PCNX1: variants seen among roughly 807,000 people sequenced by gnomAD.
PCNX1 encodes pecanex-like protein 1.
Under a neutral mutation model 242.2 loss-of-function variants are expected in PCNX1, and 78 were observed. The ratio of observed to expected loss-of-function variants is 0.32; its 90% CI spans 0.27 to 0.39. The LOEUF is 0.39. Among genes scored for constraint, PCNX1 ranks in the 10% least tolerant of loss-of-function variants. The pLI is 1.00. For synonymous variants in PCNX1, 1,024 were observed against 1,032.9 expected (o/e 0.99, Z 0.17); for missense variants, 2,581 against 2,856.5 (o/e 0.90, Z 2.20).
At position 71,045,186 on chromosome 14, in the gene PCNX1, C is replaced by A; in HGVS notation, c.3921C>A (p.Thr1307=). The A allele has an allele frequency of 6.2e-7, 1 of 1,612,874 alleles. No individual in the cohort carries two copies. The highest frequency in any genetic ancestry group is 8.5e-7 in the Non-Finnish European group (1 of 1,179,124). Residue 1307 remains threonine, a synonymous_variant, in exon 20 of 36, where the codon ACC becomes ACA. Transcript: ENST00000304743. ...TGGTTGGCTTTGTGGGTTTTGTAAC[C>A]CATTATGTGCTGCCTCAAGTTAGAA... ...YTLVGFVGFV[T]HYVLPQVRKQ...
At chr14:71,039,260 C>G (rs1287984680) in intron 19 of PCNX1, among the ~76,000 whole-genome samples, 2 of 151,888 alleles carry the variant, frequency 1.3e-5, no homozygotes, top group Non-Finnish European at 2.9e-5. Context: ...AAACCAAATA[C>G]TTATTTTCTC....
chr14:71,035,007 A>G (rs2060489473), intron 18 of PCNX1, among the ~76,000 whole-genome samples: 1 of 152,222 alleles, frequency 6.6e-6, no homozygotes, highest in South Asian at 2.1e-4. Context: ...TTCACATGTC[A>G]AAAGACCAAT....
At position 71,103,659 on chromosome 14, in the gene PCNX1, A is replaced by G. The variant is rs1360763246; in HGVS notation, c.6085A>G (p.Thr2029Ala). ...AAATATCAGGAACTTCATAGTGTCA[A>G]CCTGGCACAGGTGAGCCAAGGGATT... ...LGNIRNFIVSTWHRLRKGCGA... is the reference protein window; with the variant it reads ...LGNIRNFIVSAWHRLRKGCGA... Residue 2029 changes from threonine to alanine, a missense_variant, in exon 32 of 36, where the codon ACC becomes GCC. This residue lies in a region of PCNX1 where 432 missense variants were observed against 433.6 expected (regional missense o/e 1.00). Coordinates refer to ENST00000304743, the MANE Select transcript of PCNX1 (RefSeq NM_014982.3). 6 of 1,614,052 alleles carry G rather than the reference A, an allele frequency of 3.7e-6. No individual in the cohort carries two copies. In the South Asian group the frequency reaches 4.4e-5, roughly 12 times the overall value.
chr14:70,908,042 C>T (rs754235062), intron 1 of PCNX1, 39 bp downstream of exon 1: 2 of 1,503,382 alleles, frequency 1.3e-6, no homozygotes, highest in Non-Finnish European at 1.8e-6. Flanking sequence ...TCCTTCCCCG[C>T]GAGCCGGTGG....
intron 1 of PCNX1, among the ~76,000 whole-genome samples, chr14:70,921,117 C>G (rs757773334): frequency 3.3e-5 from 5 of 152,124 alleles, no homozygotes; most frequent in Non-Finnish European, 5.9e-5. Context: ...TTATAACATT[C>G]TTGGTATGTA....
At chr14:71,029,572 C>T (rs1345606279) in intron 16 of PCNX1, among the ~76,000 whole-genome samples, 3 of 152,136 alleles carry the variant, frequency 2.0e-5, no homozygotes, top group African/African-American at 4.8e-5. Flanking sequence ...GACAGTGTAA[C>T]GAAGGTTATG....
At chr14:71,088,503 A>T (rs922868881) in intron 29 of PCNX1, 73 bp downstream of exon 29, 1 of 834,920 alleles carries the variant, frequency 1.2e-6, no homozygotes, top group South Asian at 1.4e-5. Context: ...ATGATTTTTC[A>T]TGGACGCATG....
At chr14:70,922,799 A>G (rs888164673) in intron 1 of PCNX1, among the ~76,000 whole-genome samples, 1 of 151,028 alleles carries the variant, frequency 6.6e-6, no homozygotes, top group African/African-American at 2.4e-5. Context: ...ATGCTGGGCA[A>G]TATATTAGTG....
chr14:70,950,151 A>G (rs1352126943), intron 2 of PCNX1, among the ~76,000 whole-genome samples: 3 of 152,192 alleles, frequency 2.0e-5, no homozygotes, highest in Non-Finnish European at 1.5e-5. Flanking sequence ...TGTTAATTAA[A>G]CACGTATTTT....
At chr14:70,962,162 C>A in intron 2 of PCNX1, 64 bp from the exon 3 acceptor site, 2 of 987,602 alleles carry the variant, frequency 2.0e-6, no homozygotes, top group Non-Finnish European at 3.2e-6. Context: ...AAAAAATTAA[C>A]AAAGGAAAAG....
At chr14:70,947,173 T>C (rs1372327832) in intron 2 of PCNX1, 50 bp downstream of exon 2, 1 of 1,310,260 alleles carries the variant, frequency 7.6e-7, no homozygotes. Flanking sequence ...GATTGTGTTA[T>C]CTGTATAATG....
At chr14:70,995,064 A>AT (rs1350837814) in intron 7 of PCNX1, among the ~76,000 whole-genome samples, 1 of 152,208 alleles carries the variant, frequency 6.6e-6, no homozygotes, top group African/African-American at 2.4e-5. Flanking sequence ...TAATACTTGT[A>AT]TATAAAGCAC....
intron 16 of PCNX1, among the ~76,000 whole-genome samples, chr14:71,031,195 A>G (rs1460442076): frequency 6.6e-6 from 1 of 152,340 alleles, no homozygotes; most frequent in African/African-American, 2.4e-5. Context: ...CAAATGTGCA[A>G]ATATGCAAAT....
chr14:71,029,766 G>C (rs1267129226), intron 16 of PCNX1, among the ~76,000 whole-genome samples: 1 of 152,186 alleles, frequency 6.6e-6, no homozygotes, highest in East Asian at 1.9e-4. Context: ...AATGGCAAAT[G>C]ATTAGGAATT....
At chr14:70,998,379 G>A (rs905283015) in intron 8 of PCNX1, among the ~76,000 whole-genome samples, 1 of 152,008 alleles carries the variant, frequency 6.6e-6, no homozygotes, top group African/African-American at 2.4e-5. Context: ...AAAAGTACTT[G>A]TATCATCTGT....
intron 28 of PCNX1, among the ~76,000 whole-genome samples, chr14:71,086,238 T>A (rs2061986062): frequency 6.6e-6 from 1 of 152,244 alleles, no homozygotes; most frequent in African/African-American, 2.4e-5. Context: ...GCTTATGGAA[T>A]ATAGTTAAAA....
In PCNX1 at chr14:70,969,006, C is replaced by T. The variant is rs2058462898; in HGVS notation, c.515-15C>T. ...GTTAATATAAGGTCCTCACATGTTT[C>T]TCTTAACTTTGTAGGAGATACAGAC... On this transcript the variant is annotated splice_polypyrimidine_tract_variant and intron_variant, in intron 4 of 35. Coordinates refer to ENST00000304743, the MANE Select transcript of PCNX1 (RefSeq NM_014982.3). 3 of 1,513,210 alleles carry T rather than the reference C, an allele frequency of 2.0e-6. No individual in the cohort carries two copies. The highest frequency in any genetic ancestry group is 2.3e-5 in the East Asian group (1 of 44,242). The allele number at this position is 1,513,210 out of a possible 1,614,324, so 93.7% of individuals were successfully genotyped here.
At chr14:70,992,777 G>T (rs573162747) in intron 7 of PCNX1, among the ~76,000 whole-genome samples, 10 of 152,114 alleles carry the variant, frequency 6.6e-5, no homozygotes, top group African/African-American at 2.2e-4. Flanking sequence ...ACATAGAAGC[G>T]TAAAAAAAGA....
intron 22 of PCNX1, chr14:71,048,905 T>C (rs1472392536): frequency 3.5e-6 from 1 of 282,666 alleles, no homozygotes; most frequent in Non-Finnish European, 5.3e-6. Context: ...AATTTCAGTA[T>C]TGTGATAAAT....
Sources: gnomAD v4.1 joint callset for allele counts (sites outside exome capture counted in the v4.1 genomes callset) on GRCh38, gnomAD v4.1.1 for gene constraint, gnomAD v4.1.1 regional missense constraint, MANE v1.5 for transcripts, NCBI Gene and HGNC (gene_info 2026-07-23, HGNC 2026-07-21) for gene names.